The following CHRM3 variants were observed in gnomAD, a reference collection of about 807,000 sequenced individuals.
CHRM3 encodes muscarinic acetylcholine receptor M3.
CHRM3 carries 11 observed loss-of-function variants against 41.8 expected under a neutral mutation model. That is an observed-to-expected ratio of 0.26 (90% CI 0.17 to 0.44). CHRM3 has a LOEUF of 0.44. CHRM3 is among the 20% of genes least tolerant of loss of function. The pLI is 1.00. For synonymous variants in CHRM3, 297 were observed against 301.4 expected (o/e 0.99, Z 0.15); for missense variants, 571 against 745.4 (o/e 0.77, Z 2.72).
chr1:239,765,409 T>C (rs1667123865), intron 5 of CHRM3, among the ~76,000 whole-genome samples: 1 of 152,192 alleles, frequency 6.6e-6, no homozygotes, highest in Non-Finnish European at 1.5e-5. Context: ...CGGTTAATGC[T>C]TTATTATTTT....
chr1:239,788,609 T>A (rs571970936), intron 5 of CHRM3, among the ~76,000 whole-genome samples: 1 of 152,102 alleles, frequency 6.6e-6, no homozygotes, highest in Non-Finnish European at 1.5e-5. Context: ...CTACTAAAAA[T>A]GCAAAAATTA....
At chr1:239,549,957 G>C (rs535460943) in intron 3 of CHRM3, among the ~76,000 whole-genome samples, 1 of 151,892 alleles carries the variant, frequency 6.6e-6, no homozygotes, top group African/African-American at 2.4e-5. Context: ...GTGTATTCAA[G>C]TAGGCTGTAT....
At chr1:239,498,705 G>A (rs1668035773) in intron 2 of CHRM3, among the ~76,000 whole-genome samples, 1 of 152,104 alleles carries the variant, frequency 6.6e-6, no homozygotes, top group Non-Finnish European at 1.5e-5. Flanking sequence ...GTCTGGCAAA[G>A]CCTGATATAC....
intron 1 of CHRM3, among the ~76,000 whole-genome samples, chr1:239,418,027 C>A (rs1471114187): frequency 6.6e-6 from 1 of 152,174 alleles, no homozygotes; most frequent in African/African-American, 2.4e-5. Flanking sequence ...GGTCTTTTAA[C>A]TCCATGTTTC....
At chr1:239,834,621 C>A (rs78319733) in intron 6 of CHRM3, among the ~76,000 whole-genome samples, 3,424 of 152,268 alleles carry the variant, frequency 0.022, 86 homozygotes, top group African/African-American at 0.06. Flanking sequence ...GAATCCCACT[C>A]AGTCTTCAAA....
chr1:239,562,881 C>A (rs1266341189), intron 3 of CHRM3, among the ~76,000 whole-genome samples: 1 of 131,846 alleles, frequency 7.6e-6, no homozygotes, highest in African/African-American at 2.9e-5. Context: ...GAGTGAAACT[C>A]TGTCTCCAAA....
intron 1 of CHRM3, among the ~76,000 whole-genome samples, chr1:239,391,523 G>T (rs534683046): frequency 1.3e-5 from 2 of 152,076 alleles, no homozygotes; most frequent in Admixed American, 1.3e-4. Flanking sequence ...TTAGGCTGGC[G>T]ATCTGCATTC....
chr1:239,607,240 A>T (rs553198994), intron 3 of CHRM3, among the ~76,000 whole-genome samples: 2 of 152,274 alleles, frequency 1.3e-5, no homozygotes, highest in South Asian at 4.1e-4. Flanking sequence ...TCATCTACAG[A>T]AGGAGAATAG....
chr1:239,775,132 T>C (rs561196839), intron 5 of CHRM3, among the ~76,000 whole-genome samples: 3 of 152,162 alleles, frequency 2.0e-5, no homozygotes, highest in Non-Finnish European at 4.4e-5. Flanking sequence ...CTTGGGATCA[T>C]GGCTAAAAAA....
Position 239,909,075 on chromosome 1 carries a change from G to T in CHRM3, c.1624G>T (p.Val542Leu), listed in dbSNP as rs762623405. Residue 542 changes from valine (V) to leucine (L), a missense_variant, in exon 7 of 7, where the codon GTG (valine) becomes TTG (leucine). Physicochemically the swap from Val to Leu is conservative, Grantham distance 32. Transcript: ENST00000676153. ...CTACATCAACAGCACCGTGAACCCC[G>T]TGTGCTATGCTCTGTGCAACAAAAC... is the stretch of plus-strand genomic sequence containing the variant. ...LCYINSTVNP[V>L]CYALCNKTFR... The T allele has an allele frequency of 6.2e-7, 1 of 1,614,108 alleles. No homozygotes were observed. Among genetic ancestry groups the T allele is most frequent in the Non-Finnish European group, 8.5e-7 (1 of 1,180,030 alleles).
At chr1:239,881,418 T>C (rs1572580155) in intron 6 of CHRM3, among the ~76,000 whole-genome samples, 1 of 137,600 alleles carries the variant, frequency 7.3e-6, no homozygotes, top group South Asian at 2.3e-4. Context: ...GAAAAAAAAA[T>C]GAAATAAATT....
chr1:239,640,578 G>T (rs532383747), intron 4 of CHRM3, among the ~76,000 whole-genome samples: 1 of 151,866 alleles, frequency 6.6e-6, no homozygotes, highest in South Asian at 2.1e-4. Flanking sequence ...ATTCTCTGAT[G>T]GTAGTTTGTA....
At chr1:239,904,232 G>A (rs1004378327) in intron 6 of CHRM3, among the ~76,000 whole-genome samples, 2 of 152,160 alleles carry the variant, frequency 1.3e-5, no homozygotes, top group African/African-American at 4.8e-5. Flanking sequence ...AGGCCCTTCA[G>A]AGTACATGAG....
intron 5 of CHRM3, among the ~76,000 whole-genome samples, chr1:239,813,262 A>C (rs902756291): frequency 2.6e-5 from 4 of 152,234 alleles, no homozygotes; most frequent in African/African-American, 4.8e-5. Context: ...TGGGCAACAG[A>C]GTGAGACTCC....
chr1:239,894,424 T>C (rs948550445), intron 6 of CHRM3, among the ~76,000 whole-genome samples: 11 of 151,990 alleles, frequency 7.2e-5, no homozygotes, highest in African/African-American at 2.7e-4. Context: ...TTATTTTATT[T>C]TATTTATTTA....
At chr1:239,557,216 A>G (rs908199522) in intron 3 of CHRM3, among the ~76,000 whole-genome samples, 2 of 152,132 alleles carry the variant, frequency 1.3e-5, no homozygotes, top group Non-Finnish European at 2.9e-5. Flanking sequence ...GAATAAAACT[A>G]ATCTTTACAT....
chr1:239,855,728 A>G (rs955070962), intron 6 of CHRM3, among the ~76,000 whole-genome samples: 1 of 152,180 alleles, frequency 6.6e-6, no homozygotes, highest in Non-Finnish European at 1.5e-5. Context: ...GCATTTTCAT[A>G]CATAATGAAA....
intron 5 of CHRM3, among the ~76,000 whole-genome samples, chr1:239,812,132 C>T (rs545326083): frequency 9.8e-5 from 15 of 152,288 alleles, no homozygotes; most frequent in African/African-American, 3.1e-4. Flanking sequence ...CTCCTCCTCC[C>T]GGGCTCAAGT....
At chr1:239,756,141 C>T (rs562636820) in intron 5 of CHRM3, among the ~76,000 whole-genome samples, 1 of 152,282 alleles carries the variant, frequency 6.6e-6, no homozygotes, top group African/African-American at 2.4e-5. Context: ...TATGGCAAAG[C>T]CCGCAATTAC....
Sources: gnomAD v4.1 joint callset for allele counts (sites outside exome capture counted in the v4.1 genomes callset) on GRCh38, gnomAD v4.1.1 for gene constraint, MANE v1.5 for transcripts, NCBI Gene and HGNC (gene_info 2026-07-23, HGNC 2026-07-21) for gene names.